Variants in PRKN observed in about 807,000 individuals in gnomAD.
PRKN encodes the protein parkin RBR E3 ubiquitin protein ligase.
In PRKN, 56 loss-of-function variants were observed where a neutral mutation model predicts 59.5. That is an observed-to-expected ratio of 0.94 (90% CI 0.76 to 1.18). The LOEUF is 1.18. Ranked by LOEUF, PRKN falls within the 50% of genes most tolerant of loss-of-function variation. PRKN has a pLI of 0.00. For missense variants in PRKN, 657 were observed against 596.4 expected (o/e 1.10, Z -1.06); for synonymous variants, 250 against 222.1 (o/e 1.13, Z -1.12).
At position 162,180,381 on chromosome 6, in the gene PRKN, T is replaced by G. The variant is rs560706631; in HGVS notation, c.534+20750A>C. ...CTGTGCTTATTTCACATTGCATGCC[T>G]GAATCAAAACACATCATGTACCACA... On this transcript the variant is annotated intron_variant, in intron 4 of 11. Transcript: ENST00000366898. 2.6e-5 allele frequency among the ~76,000 whole-genome samples: 4 copies of G among 152,278 alleles called. No homozygotes were observed. In the South Asian group the frequency reaches 8.3e-4, roughly 32 times the overall value.
intron 5 of PRKN, among the ~76,000 whole-genome samples, chr6:162,050,662 A>G (rs2128284447): frequency 6.6e-6 from 1 of 152,242 alleles, no homozygotes; most frequent in Non-Finnish European, 1.5e-5. Flanking sequence ...AAGGGCGGGG[A>G]AGATAATGAC....
intron 6 of PRKN, among the ~76,000 whole-genome samples, chr6:161,819,964 T>C (rs1209504120): frequency 6.6e-6 from 1 of 152,104 alleles, no homozygotes; most frequent in Non-Finnish European, 1.5e-5. Context: ...AAAATATTAG[T>C]AATAAGTAAC....
chr6:162,386,700 G>T (rs9456773), intron 2 of PRKN, among the ~76,000 whole-genome samples: 6,217 of 152,328 alleles, frequency 0.041, 454 homozygotes, highest in African/African-American at 0.14. Flanking sequence ...ATATGTGCGT[G>T]TATGCATGTG....
intron 7 of PRKN, among the ~76,000 whole-genome samples, chr6:161,634,203 C>T (rs1042735226): frequency 8.5e-5 from 13 of 152,242 alleles, no homozygotes; most frequent in South Asian, 6.2e-4. Flanking sequence ...ATCCCCTTGT[C>T]GGCCTGTAAC....
intron 1 of PRKN, among the ~76,000 whole-genome samples, chr6:162,646,336 A>C (rs911242703): frequency 1.3e-5 from 2 of 152,002 alleles, no homozygotes; most frequent in Non-Finnish European, 2.9e-5. Context: ...GCAGTGGTGT[A>C]ATCATAGCTC....
At chr6:162,509,248 C>T (rs1242366709) in intron 1 of PRKN, among the ~76,000 whole-genome samples, 1 of 152,184 alleles carries the variant, frequency 6.6e-6, no homozygotes, top group African/African-American at 2.4e-5. Context: ...TTACTACCAT[C>T]ACTGAGTTGT....
In PRKN at chr6:161,385,697, C is replaced by T. The variant is rs1034554703; in HGVS notation, c.1167+1097G>A. On this transcript the variant is annotated intron_variant, in intron 10 of 11. Transcript: ENST00000366898. The surrounding 1 kb of genome is among the most constrained non-coding windows in gnomAD (Gnocchi z 4.9). Reference sequence around the variant, plus strand: ...TTCCCAGAGCCTCAGGTATACCCGCCTCCATTACAGCGGTCCTGAGGCAGG... The same window carrying T: ...TTCCCAGAGCCTCAGGTATACCCGCTTCCATTACAGCGGTCCTGAGGCAGG... Among the ~76,000 whole-genome samples the T allele has an allele frequency of 6.6e-6, 1 of 152,186 alleles. No homozygotes were observed. The highest frequency in any genetic ancestry group is 1.5e-5 in the Non-Finnish European group (1 of 68,042).
At chr6:162,318,208 C>T (rs770237812) in intron 2 of PRKN, among the ~76,000 whole-genome samples, 2 of 151,952 alleles carry the variant, frequency 1.3e-5, no homozygotes, top group Admixed American at 6.6e-5. Flanking sequence ...GAATATTTTC[C>T]GAGTTCTTCC....
At chr6:161,995,174 G>A (rs1456485563) in intron 5 of PRKN, among the ~76,000 whole-genome samples, 3 of 152,094 alleles carry the variant, frequency 2.0e-5, no homozygotes, top group Non-Finnish European at 4.4e-5. Context: ...AGGTAACAAT[G>A]ACAAACATTG....
At chr6:162,023,524 C>T (rs975714885) in intron 5 of PRKN, among the ~76,000 whole-genome samples, 4 of 152,148 alleles carry the variant, frequency 2.6e-5, no homozygotes, top group Admixed American at 2.6e-4. Context: ...TGGTCGCCTG[C>T]CGGTGTTTGT....
At position 161,694,228 on chromosome 6, in the gene PRKN, A is replaced by G. The variant is rs557141938; in HGVS notation, c.871+91544T>C. 5.3e-5 allele frequency among the ~76,000 whole-genome samples: 8 copies of G among 152,076 alleles called. No individual in the cohort carries two copies. In the South Asian group the frequency reaches 1.7e-3, roughly 32 times the overall value. On this transcript the variant is annotated intron_variant, in intron 7 of 11. Transcript: ENST00000366898. The stretch of plus-strand genomic sequence containing the variant: ...TACAGCACTGAATTAGAGATTGTTA[A>G]TAGTAATAATAATAAGAAAAAAAGA...
At chr6:161,742,061 C>T (rs561484118) in intron 7 of PRKN, among the ~76,000 whole-genome samples, 19 of 152,160 alleles carry the variant, frequency 1.2e-4, no homozygotes, top group South Asian at 1.2e-3. Flanking sequence ...CCTCCGCCTC[C>T]GAGGCTCAAG....
At chr6:161,765,136 C>T (rs1789368644) in intron 7 of PRKN, among the ~76,000 whole-genome samples, 1 of 152,148 alleles carries the variant, frequency 6.6e-6, no homozygotes, top group African/African-American at 2.4e-5. Flanking sequence ...TGTTATTATC[C>T]CCAAAAACGC....
chr6:162,141,745 G>A (rs1781788900), intron 4 of PRKN, among the ~76,000 whole-genome samples: 1 of 152,148 alleles, frequency 6.6e-6, no homozygotes, highest in Admixed American at 6.5e-5. Flanking sequence ...TGGGAAGTAG[G>A]GGGAGCAAAA....
chr6:162,129,273 A>G (rs971291396), intron 4 of PRKN, among the ~76,000 whole-genome samples: 6 of 152,300 alleles, frequency 3.9e-5, no homozygotes, highest in Middle Eastern at 3.4e-3. Flanking sequence ...TTTTGTTGGC[A>G]TCTACAAATT....
chr6:161,941,340 C>G (rs1368618505), intron 6 of PRKN, among the ~76,000 whole-genome samples: 2 of 152,178 alleles, frequency 1.3e-5, no homozygotes, highest in Non-Finnish European at 2.9e-5. Flanking sequence ...CAACAGCCAC[C>G]AGCATGTTGG....
intron 4 of PRKN, among the ~76,000 whole-genome samples, chr6:162,108,507 CA>C (rs1179420224): frequency 3.3e-5 from 5 of 152,124 alleles, no homozygotes; most frequent in Admixed American, 1.3e-4. Context: ...ATGAAAACAA[CA>C]ACAAAAGCTG....
chr6:161,712,527 T>C (rs141009041), intron 7 of PRKN, among the ~76,000 whole-genome samples: 1 of 152,318 alleles, frequency 6.6e-6, no homozygotes, highest in Non-Finnish European at 1.5e-5. Context: ...ACCTGGGAGC[T>C]TATGATTTCT....
At chr6:161,739,364 C>T (rs1413224884) in intron 7 of PRKN, among the ~76,000 whole-genome samples, 2 of 152,084 alleles carry the variant, frequency 1.3e-5, no homozygotes, top group African/African-American at 2.4e-5. Context: ...GCTGAAATTG[C>T]ACCACTGCAC....
Sources: allele counts gnomAD v4.1 joint callset (sites outside exome capture counted in the v4.1 genomes callset), GRCh38; gene constraint gnomAD v4.1.1; non-coding constraint Gnocchi (gnomAD v3.1); transcripts MANE v1.5; gene names NCBI Gene and HGNC (gene_info 2026-07-23, HGNC 2026-07-21).